The following ERC1 variants were observed in gnomAD, a reference collection of about 807,000 sequenced individuals.
ERC1 encodes RAB6 interacting protein 2.
In ERC1, 56 loss-of-function variants were observed where a neutral mutation model predicts 132.0. The ratio of observed to expected loss-of-function variants is 0.42; its 90% CI spans 0.34 to 0.53. ERC1 has a LOEUF of 0.53. Among genes scored for constraint, ERC1 ranks in the 20% least tolerant of loss-of-function variants. ERC1 has a pLI of 0.03. For synonymous variants in ERC1, 478 were observed against 476.1 expected, an observed-to-expected ratio of 1.00 and a Z score of -0.05; for missense variants, 1,202 against 1,349.9, an observed-to-expected ratio of 0.89 and a Z score of 1.72.
intron 15 of ERC1, among the ~76,000 whole-genome samples, chr12:1,365,251 A>T (rs1027950617): frequency 2.6e-5 from 4 of 152,002 alleles, no homozygotes; most frequent in African/African-American, 9.7e-5. Flanking sequence ...CCCAAAGCTC[A>T]TGGTTTCTTT....
At chr12:1,296,401 C>CTTTTTTTTTTTTTTTTTTTT (rs57458560) in intron 15 of ERC1, among the ~76,000 whole-genome samples, 1 of 76,206 alleles carries the variant, frequency 1.3e-5, no homozygotes. Flanking sequence ...ATTGGATAGT[C>CTTTTTTTTTTTTTTTTTTTT]TTTTTTTTTT....
intron 2 of ERC1, among the ~76,000 whole-genome samples, chr12:1,061,668 A>T (rs1012015356): frequency 2.6e-5 from 4 of 151,974 alleles, no homozygotes; most frequent in Admixed American, 6.6e-5. Flanking sequence ...GATGTTTTAT[A>T]TGTGTCTCTC....
At position 1,236,855 on chromosome 12, in the gene ERC1, A is replaced by C; in HGVS notation, c.2438A>C (p.Glu813Ala). The change falls in exon 13 of 19, where the codon GAG (glutamate) becomes GCG (alanine). Residue 813 changes from glutamate to alanine, a missense_variant. Transcript: ENST00000360905. ...EKKKSAQMLE[E>A]ARRREDNLND... is the part of the protein sequence containing the mutation. ...AAGAAGAGTGCACAAATGTTAGAGG[A>C]GGCGCGACGACGGGAGGACAATCTC... 3.7e-6 allele frequency: 6 copies of C among 1,614,054 alleles called. No homozygotes were observed. The highest frequency in any genetic ancestry group is 1.3e-5 in the African/African-American group (1 of 75,054).
At chr12:1,190,973 T>G (rs1383317142) in intron 12 of ERC1, among the ~76,000 whole-genome samples, 1 of 151,988 alleles carries the variant, frequency 6.6e-6, no homozygotes, top group Non-Finnish European at 1.5e-5. Context: ...AGTTTTGGGG[T>G]TAGTGGTAGA....
At chr12:1,407,305 G>A (rs1413733673) in intron 16 of ERC1, among the ~76,000 whole-genome samples, 1 of 151,976 alleles carries the variant, frequency 6.6e-6, no homozygotes, top group African/African-American at 2.4e-5. Context: ...GAGAGAGAGA[G>A]CACTTCTGTC....
At chr12:1,226,104 T>C (rs990429515) in intron 12 of ERC1, among the ~76,000 whole-genome samples, 6 of 152,222 alleles carry the variant, frequency 3.9e-5, no homozygotes, top group African/African-American at 1.4e-4. Context: ...TTATTTCCTC[T>C]AGTGATAACT....
intron 17 of ERC1, among the ~76,000 whole-genome samples, chr12:1,415,930 A>C (rs1017924933): frequency 6.6e-6 from 1 of 152,202 alleles, no homozygotes; most frequent in Non-Finnish European, 1.5e-5. Context: ...CAGCACTTTC[A>C]TGTATCTTAT....
At chr12:1,402,614 AACACACACACAC>A (rs56777839) in intron 16 of ERC1, among the ~76,000 whole-genome samples, 1 of 144,992 alleles carries the variant, frequency 6.9e-6, no homozygotes, top group Non-Finnish European at 1.5e-5. Flanking sequence ...TGTAACCCCC[AACACACACACAC>A]ACACACACAC....
At chr12:1,027,128 T>A (rs566907869) in intron 1 of ERC1, among the ~76,000 whole-genome samples, 1 of 152,366 alleles carries the variant, frequency 6.6e-6, no homozygotes, top group African/African-American at 2.4e-5. Flanking sequence ...TACATCAAAG[T>A]ACTTTTATGG....
At chr12:1,247,072 T>C (rs576879462) in intron 13 of ERC1, among the ~76,000 whole-genome samples, 3 of 144,872 alleles carry the variant, frequency 2.1e-5, no homozygotes, top group African/African-American at 8.3e-5. Context: ...GAGGTTGCAG[T>C]GAGCCCAGGA....
At chr12:1,448,651 A>G (rs1166690415) in intron 18 of ERC1, among the ~76,000 whole-genome samples, 1 of 152,202 alleles carries the variant, frequency 6.6e-6, no homozygotes, top group Non-Finnish European at 1.5e-5. Flanking sequence ...TTTTCACCTC[A>G]TATCTCCAAT....
At chr12:1,270,862 A>G (rs972977987) in intron 14 of ERC1, among the ~76,000 whole-genome samples, 1 of 152,054 alleles carries the variant, frequency 6.6e-6, no homozygotes, top group Non-Finnish European at 1.5e-5. Context: ...ACATTAGTAT[A>G]AAATTCTAAG....
intron 2 of ERC1, among the ~76,000 whole-genome samples, chr12:1,042,835 A>C (rs1970475620): frequency 1.3e-5 from 2 of 152,060 alleles, no homozygotes; most frequent in Non-Finnish European, 2.9e-5. Flanking sequence ...CCTGCATAAT[A>C]AGTAATTTCT....
chr12:1,285,768 G>T (rs186118902), intron 14 of ERC1, among the ~76,000 whole-genome samples: 25 of 152,160 alleles, frequency 1.6e-4, no homozygotes, highest in Admixed American at 1.0e-3. Context: ...ATAAAAGAGA[G>T]GGAACAATCA....
chr12:1,388,633 A>T (rs1056800050), intron 16 of ERC1, among the ~76,000 whole-genome samples: 1 of 152,158 alleles, frequency 6.6e-6, no homozygotes, highest in African/African-American at 2.4e-5. Context: ...AGTCTCACCG[A>T]TGTTTTCAGA....
chr12:1,334,910 A>G (rs561780997), intron 15 of ERC1, among the ~76,000 whole-genome samples: 9 of 152,240 alleles, frequency 5.9e-5, no homozygotes, highest in African/African-American at 2.2e-4. Flanking sequence ...TTCTTTGAGC[A>G]GTGTTTTGTA....
chr12:1,023,733 G>T (rs1198710249), intron 1 of ERC1, among the ~76,000 whole-genome samples: 1 of 152,178 alleles, frequency 6.6e-6, no homozygotes, highest in African/African-American at 2.4e-5. Flanking sequence ...AACAAAGAAG[G>T]AGGAGGGTTA....
intron 12 of ERC1, among the ~76,000 whole-genome samples, chr12:1,213,992 A>C (rs1348171882): frequency 6.6e-6 from 1 of 152,146 alleles, no homozygotes; most frequent in African/African-American, 2.4e-5. Context: ...ACATCATTGG[A>C]TATGCTGCAC....
intron 18 of ERC1, among the ~76,000 whole-genome samples, chr12:1,449,370 A>G (rs1323883815): frequency 6.6e-6 from 1 of 152,114 alleles, no homozygotes. Context: ...GTCCCCACCC[A>G]AATCTCATCT....
Sources: gnomAD v4.1 joint callset for allele counts (sites outside exome capture counted in the v4.1 genomes callset) on GRCh38, gnomAD v4.1.1 for gene constraint, MANE v1.5 for transcripts, NCBI Gene and HGNC (gene_info 2026-07-23, HGNC 2026-07-21) for gene names.